STAG1: variants seen among roughly 807,000 people sequenced by gnomAD.
STAG1 encodes the protein cohesin subunit SA-1.
STAG1 carries 26 observed loss-of-function variants against 170.9 expected under a neutral mutation model. The observed-to-expected ratio is 0.15, with a 90% CI of 0.11 to 0.21. The LOEUF is 0.21. Among genes scored for constraint, STAG1 ranks in the 10% least tolerant of loss-of-function variants. The pLI is 1.00. For missense variants in STAG1, 964 were observed against 1,509.5 expected (o/e 0.64, Z 5.99); for synonymous variants, 514 against 497.7 (o/e 1.03, Z -0.44).
intron 1 of STAG1, among the ~76,000 whole-genome samples, chr3:136,714,721 C>T (rs1173200868): frequency 6.6e-6 from 1 of 151,378 alleles, no homozygotes; most frequent in Non-Finnish European, 1.5e-5. Context: ...CAGCGAGACT[C>T]CGTCTCAAAA....
chr3:136,469,600 C>G (rs535146791), intron 12 of STAG1, among the ~76,000 whole-genome samples: 1 of 152,338 alleles, frequency 6.6e-6, no homozygotes, highest in Admixed American at 6.5e-5. Context: ...CATCAAGCTA[C>G]CAATGACTTT....
chr3:136,569,016 A>T (rs1215654365), intron 4 of STAG1, among the ~76,000 whole-genome samples, 155 bp from the exon 5 acceptor site: 1 of 151,942 alleles, frequency 6.6e-6, no homozygotes, highest in Non-Finnish European at 1.5e-5. Context: ...AAAAGTAGAG[A>T]CTCCCTTATT....
intron 13 of STAG1, among the ~76,000 whole-genome samples, chr3:136,463,975 C>CA (rs2089369260): frequency 6.7e-6 from 1 of 149,836 alleles, no homozygotes. Context: ...AGAACATATA[C>CA]AGTAAATCAC....
chr3:136,541,165 T>C (rs1935883863), intron 6 of STAG1, among the ~76,000 whole-genome samples: 1 of 152,030 alleles, frequency 6.6e-6, no homozygotes, highest in Non-Finnish European at 1.5e-5. Context: ...TTAAAATTAA[T>C]AATAATAAAA....
chr3:136,635,361 G>C (rs1204983956), intron 1 of STAG1, among the ~76,000 whole-genome samples: 1 of 152,000 alleles, frequency 6.6e-6, no homozygotes, highest in Non-Finnish European at 1.5e-5. Flanking sequence ...AGCCAAAAAA[G>C]AAAAACTACA....
At chr3:136,406,539 T>G (rs1373388653) in intron 21 of STAG1, among the ~76,000 whole-genome samples, 1 of 152,180 alleles carries the variant, frequency 6.6e-6, no homozygotes, top group Non-Finnish European at 1.5e-5. Context: ...AAAAAATTAG[T>G]CATTTTTATT....
chr3:136,520,545 T>G (rs1045768034), intron 7 of STAG1, among the ~76,000 whole-genome samples: 1 of 151,722 alleles, frequency 6.6e-6, no homozygotes, highest in South Asian at 2.1e-4. Flanking sequence ...GACGGAAAAA[T>G]AGAACAATTG....
chr3:136,692,401 A>G (rs7626418), intron 1 of STAG1, among the ~76,000 whole-genome samples: 53,959 of 149,176 alleles, frequency 0.36, 10,929 homozygotes, highest in African/African-American at 0.56. Flanking sequence ...TTGGGAGGCC[A>G]AGGTGGGCAG....
intron 3 of STAG1, among the ~76,000 whole-genome samples, chr3:136,606,262 C>G (rs1042303866): frequency 6.6e-6 from 1 of 151,796 alleles, no homozygotes; most frequent in Non-Finnish European, 1.5e-5. Flanking sequence ...AATCTCGACT[C>G]ACTGCAACCT....
At chr3:136,601,611 T>C (rs1484411101) in intron 4 of STAG1, among the ~76,000 whole-genome samples, 1 of 151,972 alleles carries the variant, frequency 6.6e-6, no homozygotes, top group East Asian at 1.9e-4. Flanking sequence ...GGTCAGGAGT[T>C]TGAGAGCAGC....
At chr3:136,647,762 C>T (rs531274130) in intron 1 of STAG1, among the ~76,000 whole-genome samples, 2 of 152,276 alleles carry the variant, frequency 1.3e-5, no homozygotes, top group Admixed American at 1.3e-4. Context: ...ATGTTAGGCA[C>T]TATACACCTT....
intron 6 of STAG1, among the ~76,000 whole-genome samples, chr3:136,522,422 G>C (rs1576559670): frequency 6.6e-6 from 1 of 152,156 alleles, no homozygotes; most frequent in Admixed American, 6.5e-5. Context: ...TGTGAGTGTA[G>C]ATTGGAGAAG....
At chr3:136,413,216 T>G (rs2087675973) in intron 21 of STAG1, among the ~76,000 whole-genome samples, 1 of 148,252 alleles carries the variant, frequency 6.7e-6, no homozygotes, top group Admixed American at 6.8e-5. Flanking sequence ...ACATTATATA[T>G]TATATATAAT....
rs553390985 is a variant in STAG1 at position 136,538,997 on chromosome 3, A to G, written c.471+3122T>C. Among the ~76,000 whole-genome samples, 1,284 of 152,076 alleles carry G rather than the reference A, an allele frequency of 8.4e-3. 22 individuals carry two copies. Among genetic ancestry groups the G allele is most frequent in the African/African-American group, 0.03 (1,231 of 41,526 alleles). ...AAAATACAAAAAATTAGCCCAGCGTAGCGGCAGGCGCCTGTAGTCCCAGCT... is the reference window on the plus strand; with the variant it reads ...AAAATACAAAAAATTAGCCCAGCGTGGCGGCAGGCGCCTGTAGTCCCAGCT... On this transcript the variant is annotated intron_variant, in intron 6 of 33. Coordinates refer to ENST00000383202, the MANE Select transcript of STAG1 (RefSeq NM_005862.3).
chr3:136,630,222 C>T (rs1366288530), intron 2 of STAG1, among the ~76,000 whole-genome samples: 1 of 151,924 alleles, frequency 6.6e-6, no homozygotes, highest in Non-Finnish European at 1.5e-5. Flanking sequence ...AAAATAAGTC[C>T]CAATTCTAAA....
At chr3:136,524,026 C>T (rs994761305) in intron 6 of STAG1, among the ~76,000 whole-genome samples, 15 of 152,150 alleles carry the variant, frequency 9.9e-5, no homozygotes, top group African/African-American at 2.9e-4. Context: ...AGTCAGGTAG[C>T]ATGATGCCTC....
chr3:136,672,570 T>A (rs1942009134), intron 1 of STAG1, among the ~76,000 whole-genome samples: 1 of 152,144 alleles, frequency 6.6e-6, no homozygotes, highest in Admixed American at 6.6e-5. Flanking sequence ...ATTAAAAGTT[T>A]ACCACAATAA....
chr3:136,579,780 C>CATT (rs1371840806), intron 4 of STAG1, among the ~76,000 whole-genome samples: 1 of 152,062 alleles, frequency 6.6e-6, no homozygotes, highest in Non-Finnish European at 1.5e-5. Context: ...TTTAGATGTA[C>CATT]TCCCCGTTCA....
chr3:136,441,682 G>A (rs2088636650), intron 15 of STAG1, among the ~76,000 whole-genome samples: 1 of 152,070 alleles, frequency 6.6e-6, no homozygotes, highest in Non-Finnish European at 1.5e-5. Flanking sequence ...TCTACTGCGG[G>A]GGATGGCTCA....
Sources: allele counts gnomAD v4.1 joint callset (sites outside exome capture counted in the v4.1 genomes callset), GRCh38; gene constraint gnomAD v4.1.1; transcripts MANE v1.5; gene names NCBI Gene and HGNC (gene_info 2026-07-23, HGNC 2026-07-21).